Variants in SORCS3 observed in about 807,000 individuals in gnomAD.
The protein encoded by SORCS3 is VPS10 domain-containing receptor SorCS3.
In SORCS3, 57 loss-of-function variants were observed where a neutral mutation model predicts 146.3. The observed-to-expected ratio is 0.39, with a 90% CI of 0.31 to 0.49. The LOEUF (loss-of-function observed/expected upper bound fraction) is 0.49, where lower values mean the gene tolerates loss of function less well. Among genes scored for constraint, SORCS3 ranks in the 20% least tolerant of loss-of-function variants. SORCS3 has a pLI of 0.92. For missense variants in SORCS3, 1,341 were observed against 1,575.5 expected, an observed-to-expected ratio of 0.85 and a Z score of 2.52; for synonymous variants, 653 against 618.5, an observed-to-expected ratio of 1.06 and a Z score of -0.83.
chr10:105,041,151 G>A (rs2133703010), intron 4 of SORCS3, among the ~76,000 whole-genome samples: 1 of 148,136 alleles, frequency 6.8e-6, no homozygotes, highest in Non-Finnish European at 1.5e-5. Context: ...CAGTTGGTTA[G>A]CAATGCTAGC....
intron 3 of SORCS3, among the ~76,000 whole-genome samples, chr10:104,951,795 T>C (rs1160206558): frequency 6.6e-6 from 1 of 152,276 alleles, no homozygotes; most frequent in East Asian, 1.9e-4. Flanking sequence ...AGAAGTCACA[T>C]CCCAGGATAT....
At chr10:104,683,668 A>G (rs975680527) in intron 1 of SORCS3, among the ~76,000 whole-genome samples, 5 of 152,168 alleles carry the variant, frequency 3.3e-5, no homozygotes, top group African/African-American at 1.2e-4. Flanking sequence ...GGAGAGGGGA[A>G]GCTAGGTATG....
intron 1 of SORCS3, among the ~76,000 whole-genome samples, chr10:104,771,600 T>C (rs772459979): frequency 5.9e-5 from 9 of 152,120 alleles, no homozygotes; most frequent in Admixed American, 1.3e-4. Flanking sequence ...GAGCATGAGA[T>C]GATGTTTGCA....
chr10:105,015,971 GC>G (rs1275945386), intron 4 of SORCS3, among the ~76,000 whole-genome samples: 1 of 150,998 alleles, frequency 6.6e-6, no homozygotes, highest in Non-Finnish European at 1.5e-5. Flanking sequence ...TTCGTGATCT[GC>G]CCCCCTCAGC....
intron 1 of SORCS3, among the ~76,000 whole-genome samples, chr10:104,703,849 A>G (rs1207899026): frequency 4.6e-5 from 7 of 152,048 alleles, no homozygotes; most frequent in Non-Finnish European, 5.9e-5. Flanking sequence ...GGAGATTACC[A>G]TTAAAGTCAG....
chr10:104,930,361 T>C (rs2019194676), intron 3 of SORCS3, among the ~76,000 whole-genome samples: 1 of 152,220 alleles, frequency 6.6e-6, no homozygotes, highest in Non-Finnish European at 1.5e-5. Flanking sequence ...AAATTAATAC[T>C]GTGTGTTATT....
At chr10:104,810,020 G>A (rs1259321310) in intron 1 of SORCS3, among the ~76,000 whole-genome samples, 1 of 152,192 alleles carries the variant, frequency 6.6e-6, no homozygotes, top group Non-Finnish European at 1.5e-5. Flanking sequence ...CCAGTGGGTT[G>A]GACTATTTCT....
At chr10:104,941,279 G>A (rs2019318138) in intron 3 of SORCS3, among the ~76,000 whole-genome samples, 1 of 152,142 alleles carries the variant, frequency 6.6e-6, no homozygotes, top group Admixed American at 6.5e-5. Flanking sequence ...CAGCTCAACA[G>A]GTCTTGGCCT....
At chr10:104,897,418 T>C (rs1408186370) in intron 2 of SORCS3, among the ~76,000 whole-genome samples, 1 of 152,152 alleles carries the variant, frequency 6.6e-6, no homozygotes, top group African/African-American at 2.4e-5. Context: ...ATTTACGAGA[T>C]GGGAGGCTTC....
intron 2 of SORCS3, among the ~76,000 whole-genome samples, chr10:104,843,773 C>A (rs540448661): frequency 6.6e-6 from 1 of 152,338 alleles, no homozygotes; most frequent in African/African-American, 2.4e-5. Context: ...TCACACTGGT[C>A]GACAGCGGGT....
intron 4 of SORCS3, among the ~76,000 whole-genome samples, chr10:104,982,912 T>C (rs1439052476): frequency 6.6e-6 from 1 of 152,212 alleles, no homozygotes; most frequent in Non-Finnish European, 1.5e-5. Context: ...TTCATGTCAG[T>C]GTTGTTTTCA....
intron 1 of SORCS3, among the ~76,000 whole-genome samples, chr10:104,748,047 A>G (rs1162946680): frequency 2.0e-5 from 3 of 152,250 alleles, no homozygotes; most frequent in East Asian, 3.8e-4. Flanking sequence ...AGTAGCTAGC[A>G]TGTAGTAAGC....
At chr10:104,722,111 G>A (rs1399994381) in intron 1 of SORCS3, among the ~76,000 whole-genome samples, 2 of 152,106 alleles carry the variant, frequency 1.3e-5, no homozygotes, top group African/African-American at 2.4e-5. Context: ...ATTGGCTGTG[G>A]GTTTGTCATA....
chr10:104,964,150 A>G (rs998619680), intron 3 of SORCS3, among the ~76,000 whole-genome samples: 1 of 152,168 alleles, frequency 6.6e-6, no homozygotes, highest in African/African-American at 2.4e-5. Flanking sequence ...AACAAGCCCT[A>G]GACTATCACA....
chr10:104,764,183 A>T (rs2017154423), intron 1 of SORCS3, among the ~76,000 whole-genome samples: 1 of 152,192 alleles, frequency 6.6e-6, no homozygotes. Context: ...TTACATTCAG[A>T]GCAAAAAAAC....
At chr10:104,644,252 G>A (rs1461982290) in intron 1 of SORCS3, among the ~76,000 whole-genome samples, 2 of 152,246 alleles carry the variant, frequency 1.3e-5, no homozygotes, top group Admixed American at 6.5e-5. Flanking sequence ...ACAGGTGGAT[G>A]TAGGGCCACG....
chr10:104,857,622 GA>G (rs569309511), intron 2 of SORCS3, among the ~76,000 whole-genome samples: 205 of 152,260 alleles, frequency 1.3e-3, no homozygotes, highest in African/African-American at 4.5e-3. Flanking sequence ...TGTTTGAAGG[GA>G]AACAAAAACT....
At chr10:105,025,880 A>ACACC (rs1554870035) in intron 4 of SORCS3, among the ~76,000 whole-genome samples, 2 of 148,456 alleles carry the variant, frequency 1.3e-5, no homozygotes, top group South Asian at 2.2e-4. Context: ...ACACACACAC[A>ACACC]CCTGAAGAAC....
At chr10:104,910,695 A>T (rs2018957972) in intron 2 of SORCS3, among the ~76,000 whole-genome samples, 1 of 152,226 alleles carries the variant, frequency 6.6e-6, no homozygotes, top group Non-Finnish European at 1.5e-5. Context: ...TGGGCATTGC[A>T]TTGTGTTTTT....
Sources: gnomAD v4.1 joint callset for allele counts (sites outside exome capture counted in the v4.1 genomes callset) on GRCh38, gnomAD v4.1.1 for gene constraint, MANE v1.5 for transcripts, NCBI Gene and HGNC (gene_info 2026-07-23, HGNC 2026-07-21) for gene names.